Variants in GIT2 observed in about 807,000 individuals in gnomAD.
GIT2 encodes ARF GTPase-activating protein GIT2.
In GIT2, 32 loss-of-function variants were observed where a neutral mutation model predicts 100.3. The ratio of observed to expected loss-of-function variants is 0.32; its 90% confidence interval spans 0.24 to 0.43. GIT2 has a LOEUF of 0.43. GIT2 is among the 20% of genes least tolerant of loss of function. GIT2 has a pLI of 1.00. For synonymous variants in GIT2, 353 were observed against 364.1 expected, an observed-to-expected ratio of 0.97 and a Z score of 0.35; for missense variants, 737 against 975.1, an observed-to-expected ratio of 0.76 and a Z score of 3.25.
chr12:109,971,863 G>A (rs563671801), intron 7 of GIT2, among the ~76,000 whole-genome samples: 1 of 151,874 alleles, frequency 6.6e-6, no homozygotes, highest in Non-Finnish European at 1.5e-5. Flanking sequence ...GCATGGTGGG[G>A]GGCACCTGTA....
At chr12:109,970,276 G>A (rs1257760506) in intron 7 of GIT2, among the ~76,000 whole-genome samples, 4 of 151,980 alleles carry the variant, frequency 2.6e-5, no homozygotes, top group African/African-American at 7.3e-5. Context: ...GGCAGTTCAC[G>A]AGGTCAGGCG....
chr12:109,976,049 C>T (rs1593100524), intron 7 of GIT2, among the ~76,000 whole-genome samples: 1 of 151,582 alleles, frequency 6.6e-6, no homozygotes, highest in South Asian at 2.1e-4. Context: ...GGATTACAGG[C>T]ACTACACCGT....
Position 109,980,926 on chromosome 12 carries a change from G to T in GIT2, c.718+26C>A, listed in dbSNP as rs529744377. On this transcript the variant is annotated intron_variant, in intron 7 of 19. Transcript: ENST00000355312. The stretch of plus-strand genomic sequence containing the variant: ...CTAGAACCTTCCCAACTGGAGATGT[G>T]AAACGGTCATTCTCCATCCACTCAC... The T allele has an allele frequency of 2.8e-6, 4 of 1,403,632 alleles. No homozygotes were observed. In the East Asian group the frequency reaches 9.1e-5, roughly 32 times the overall value. 86.9% of individuals were successfully genotyped at this position (1,403,632 alleles called of 1,614,324 possible). A position where few individuals can be genotyped will look rare whatever the true frequency, so the allele number is the denominator to read the frequency against.
At chr12:109,938,105 G>C (rs942731556) in intron 18 of GIT2, among the ~76,000 whole-genome samples, 2 of 152,126 alleles carry the variant, frequency 1.3e-5, no homozygotes, top group African/African-American at 4.8e-5. Context: ...CCTAGAACTA[G>C]CATTGTCACC....
At chr12:109,967,532 T>C in intron 7 of GIT2, 29 bp from the exon 8 acceptor site, 1 of 1,489,956 alleles carries the variant, frequency 6.7e-7, no homozygotes, top group East Asian at 2.3e-5. Flanking sequence ...CAAAGTTTTG[T>C]TCATAGAAAT....
chr12:109,978,603 CT>C (rs1337502013), intron 7 of GIT2, among the ~76,000 whole-genome samples: 3 of 152,088 alleles, frequency 2.0e-5, no homozygotes, highest in Non-Finnish European at 2.9e-5. Flanking sequence ...AATTCATTGA[CT>C]TTCTTTGTCA....
At chr12:109,989,654 T>C (rs1888033182) in intron 3 of GIT2, 36 bp downstream of exon 3, 1 of 1,150,776 alleles carries the variant, frequency 8.7e-7, no homozygotes, top group Non-Finnish European at 1.3e-6. Context: ...CCATTTGTTA[T>C]GAAGAAATAA....
At chr12:109,938,253 G>T in intron 18 of GIT2, 127 bp downstream of exon 18, 1 of 651,946 alleles carries the variant, frequency 1.5e-6, no homozygotes, top group African/African-American at 1.8e-5. Context: ...AGCCTGTTAT[G>T]TAGACTTGTT....
intron 17 of GIT2, 196 bp downstream of exon 17, chr12:109,938,969 G>GA: frequency 1.8e-6 from 1 of 565,372 alleles, no homozygotes; most frequent in Non-Finnish European, 3.2e-6. Context: ...CTGGTACAAA[G>GA]AAAAAGGCCT....
At chr12:109,944,745 C>A (rs1875800018) in intron 16 of GIT2, among the ~76,000 whole-genome samples, 1 of 150,794 alleles carries the variant, frequency 6.6e-6, no homozygotes, top group African/African-American at 2.4e-5. Context: ...CAAGGTGTTA[C>A]AATTCTGATT....
intron 13 of GIT2, among the ~76,000 whole-genome samples, chr12:109,952,041 G>A (rs1004978834): frequency 6.6e-6 from 1 of 152,182 alleles, no homozygotes; most frequent in Non-Finnish European, 1.5e-5. Context: ...GAATGACCTC[G>A]GCTCTCACTG....
At chr12:109,986,766 AAAACAAAC>A (rs574249052) in intron 4 of GIT2, among the ~76,000 whole-genome samples, 9 of 151,432 alleles carry the variant, frequency 5.9e-5, no homozygotes, top group East Asian at 5.8e-4. Context: ...CTCCGTCTCA[AAAACAAAC>A]AAACAAACAA....
chr12:109,942,882 T>C (rs1043454319), intron 16 of GIT2: 2 of 152,296 alleles, frequency 1.3e-5, no homozygotes, highest in South Asian at 4.1e-4. Flanking sequence ...CAAAAGCATA[T>C]GTACAGAATT....
At chr12:109,984,795 A>T (rs1413824084) in intron 4 of GIT2, among the ~76,000 whole-genome samples, 1 of 152,166 alleles carries the variant, frequency 6.6e-6, no homozygotes, top group Non-Finnish European at 1.5e-5. Context: ...AAAGTGCTCA[A>T]AGAATACAAA....
In GIT2 at chr12:109,938,460, T is replaced by G; in HGVS notation, c.1923A>C (p.Glu641Asp). ...VAPSPTLPST[E>D]DVIRKTEQIT... ...TCTGTTCAGTCTTCCTGATGACATC[T>G]TCGGTGCTAGGGAGAGTGGGGCTTG... The change falls in exon 18 of 20, where the codon GAA (glutamate) becomes GAC (aspartate). Residue 641 changes from glutamate (E) to aspartate (D), a missense_variant. Around this residue, in one of 3 missense-constraint regions of GIT2, gnomAD observed 451 missense variants for 543.7 expected, o/e 0.83. Coordinates refer to ENST00000355312, the MANE Select transcript of GIT2 (RefSeq NM_057169.5). The G allele has an allele frequency of 6.2e-7, 1 of 1,613,988 alleles. No homozygotes were observed. Among genetic ancestry groups the G allele is most frequent in the Middle Eastern group, 1.6e-4 (1 of 6,062 alleles).
intron 7 of GIT2, among the ~76,000 whole-genome samples, chr12:109,979,975 C>T (rs765445364): frequency 3.3e-5 from 5 of 152,220 alleles, no homozygotes; most frequent in South Asian, 2.1e-4. Context: ...CCTGTTGCAA[C>T]GACTTAACCT....
chr12:109,970,377 C>T (rs1883547399), intron 7 of GIT2, among the ~76,000 whole-genome samples: 1 of 152,086 alleles, frequency 6.6e-6, no homozygotes, highest in Non-Finnish European at 1.5e-5. Flanking sequence ...CCTGTAGTCC[C>T]AGCTGCTCGG....
At chr12:109,967,803 A>C (rs923944268) in intron 7 of GIT2, among the ~76,000 whole-genome samples, 1 of 152,202 alleles carries the variant, frequency 6.6e-6, no homozygotes, top group Non-Finnish European at 1.5e-5. Context: ...AAGTGTGCTG[A>C]GGGAGCTGAA....
At position 109,970,566 on chromosome 12, in the gene GIT2, T is replaced by G. The variant is rs1169414951; in HGVS notation, c.719-3063A>C. ...CACTGAACTGATTACCTTTGCACTT[T>G]TGACAAAAATCAATTGAACATATTT... On this transcript the variant is annotated intron_variant, in intron 7 of 19. Coordinates refer to ENST00000355312, the MANE Select transcript of GIT2 (RefSeq NM_057169.5). Among the ~76,000 whole-genome samples, 11 of 152,300 alleles carry G rather than the reference T, an allele frequency of 7.2e-5. 1 individual carries two copies. The highest frequency in any genetic ancestry group is 4.6e-4 in the Admixed American group (7 of 15,280).
Sources: allele counts gnomAD v4.1 joint callset (sites outside exome capture counted in the v4.1 genomes callset), GRCh38; gene constraint gnomAD v4.1.1; regional missense constraint gnomAD v4.1.1; transcripts MANE v1.5; gene names NCBI Gene and HGNC (gene_info 2026-07-23, HGNC 2026-07-21).